Variants in LIPI observed in about 807,000 individuals in gnomAD.
The protein encoded by LIPI is lipase I.
Under a neutral mutation model 50.6 loss-of-function variants are expected in LIPI, and 59 were observed. That is an observed-to-expected ratio of 1.16 (90% CI 0.94 to 1.45). The LOEUF (loss-of-function observed/expected upper bound fraction) is 1.45, where lower values mean the gene tolerates loss of function less well. LIPI is among the 40% of genes most tolerant of loss of function. The pLI, the probability that LIPI is intolerant of heterozygous loss-of-function variation, is 0.00. For synonymous variants in LIPI, 203 were observed against 178.2 expected (o/e 1.14, Z -1.11); for missense variants, 586 against 536.3 (o/e 1.09, Z -0.92).
chr21:14,125,870 A>G (rs911323930), intron 9 of LIPI, among the ~76,000 whole-genome samples: 1 of 152,158 alleles, frequency 6.6e-6, no homozygotes, highest in Non-Finnish European at 1.5e-5. Flanking sequence ...GATAGTTTTA[A>G]ACCCAACTAT....
chr21:14,185,926 A>G, intron 3 of LIPI, 35 bp downstream of exon 3: 5 of 1,201,854 alleles, frequency 4.2e-6, no homozygotes, highest in Non-Finnish European at 6.1e-6. Context: ...ACTTAAAAGT[A>G]TGCTAAAGCA....
chr21:14,134,923 C>G (rs1416674253), intron 9 of LIPI, among the ~76,000 whole-genome samples: 1 of 151,762 alleles, frequency 6.6e-6, no homozygotes, highest in Non-Finnish European at 1.5e-5. Flanking sequence ...TGCAAAGAAA[C>G]AAAAATAGAC....
chr21:14,139,163 C>T (rs1402365110), intron 9 of LIPI, among the ~76,000 whole-genome samples: 1 of 151,900 alleles, frequency 6.6e-6, no homozygotes, highest in Non-Finnish European at 1.5e-5. Context: ...ATTTTATTCA[C>T]TTATTTCCAA....
chr21:14,122,284 AC>A, intron 9 of LIPI, among the ~76,000 whole-genome samples: 1 of 152,180 alleles, frequency 6.6e-6, no homozygotes, highest in Non-Finnish European at 1.5e-5. Flanking sequence ...TTATAATCAA[AC>A]CAGCTACTCT....
chr21:14,138,275 T>TTA (rs750251839), intron 9 of LIPI, among the ~76,000 whole-genome samples: 3 of 152,016 alleles, frequency 2.0e-5, no homozygotes, highest in East Asian at 3.9e-4. Context: ...GATAGATAGA[T>TTA]AAAAAAATAA....
chr21:14,175,048 T>C (rs563296595), intron 4 of LIPI, among the ~76,000 whole-genome samples: 4 of 152,364 alleles, frequency 2.6e-5, no homozygotes, highest in African/African-American at 4.8e-5. Context: ...TAGTATTTCA[T>C]TGTATGAACA....
At position 14,115,685 on chromosome 21, in the gene LIPI, C is replaced by T. The variant is rs532456083; in HGVS notation, c.1296-6605G>A. Among the ~76,000 whole-genome samples, 3 of 152,214 alleles carry T rather than the reference C, an allele frequency of 2.0e-5. No homozygotes were observed. The South Asian group carries it at 6.2e-4, about 32-fold the overall frequency. On this transcript the variant is annotated intron_variant, in intron 9 of 9. Transcript: ENST00000681601. ...GGTTTTCCCGTGTCTTGGAGCCTTC[C>T]CTTGACAGTGCAAACGGAACCGACT...
intron 8 of LIPI, among the ~76,000 whole-genome samples, chr21:14,150,474 T>C (rs1395447069): frequency 6.6e-6 from 1 of 152,200 alleles, no homozygotes; most frequent in Admixed American, 6.5e-5. Context: ...TATGCATGAG[T>C]CTCCAGTATT....
intron 7 of LIPI, among the ~76,000 whole-genome samples, chr21:14,161,578 T>C (rs13051480): frequency 8.6e-6 from 1 of 116,734 alleles, no homozygotes; most frequent in South Asian, 2.3e-4. Flanking sequence ...ATTATATATA[T>C]AATATATATC....
intron 9 of LIPI, among the ~76,000 whole-genome samples, chr21:14,123,733 T>G (rs1479100183): frequency 6.6e-6 from 1 of 152,044 alleles, no homozygotes; most frequent in Non-Finnish European, 1.5e-5. Context: ...TATTTACATG[T>G]GAAACCAAAT....
intron 9 of LIPI, among the ~76,000 whole-genome samples, chr21:14,123,139 C>G (rs2016925774): frequency 6.6e-6 from 1 of 152,132 alleles, no homozygotes; most frequent in African/African-American, 2.4e-5. Flanking sequence ...AATGTATATC[C>G]AAGTGTCTGT....
At chr21:14,176,347 T>A (rs1479394082) in intron 4 of LIPI, among the ~76,000 whole-genome samples, 5 of 152,036 alleles carry the variant, frequency 3.3e-5, no homozygotes, top group African/African-American at 1.2e-4. Flanking sequence ...TCCATTTCTG[T>A]GTGTTTCTAT....
intron 8 of LIPI, among the ~76,000 whole-genome samples, chr21:14,146,473 C>T (rs1216022836): frequency 6.6e-6 from 1 of 151,956 alleles, no homozygotes; most frequent in Admixed American, 6.6e-5. Flanking sequence ...GATTTGAATC[C>T]CTCATTTTTC....
intron 3 of LIPI, 72 bp downstream of exon 3, chr21:14,185,889 A>AT (rs1421068834): frequency 2.1e-6 from 2 of 952,590 alleles, no homozygotes; most frequent in African/African-American, 3.3e-5. Flanking sequence ...TCTCAAAAAA[A>AT]AAAAAATTAG....
intron 9 of LIPI, among the ~76,000 whole-genome samples, chr21:14,115,212 G>T (rs866069824): frequency 2.6e-5 from 4 of 152,050 alleles, no homozygotes; most frequent in African/African-American, 7.2e-5. Flanking sequence ...ATTCCTTGAG[G>T]CTCAGCGAGT....
rs930601044 is a variant in LIPI at position 14,165,276 on chromosome 21, G to A, written c.848C>T (p.Thr283Ile). The change falls in exon 6 of 10, where the codon ACT (threonine) becomes ATT (isoleucine). Residue 283 changes from threonine to isoleucine, a missense_variant. Coordinates refer to ENST00000681601, the MANE Select transcript of LIPI (RefSeq NM_001302998.2). ...ACAGTCACAGTCCACACATAAGCTA[G>A]TCTTGTAATCTTTGTATGAACGACA... ...FPCRSYKDYK[T>I]SLCVDCDCFK... The A allele has an allele frequency of 5.0e-6, 8 of 1,612,832 alleles. No individual in the cohort carries two copies. Among genetic ancestry groups the A allele is most frequent in the Non-Finnish European group, 6.8e-6 (8 of 1,179,120 alleles).
intron 6 of LIPI, among the ~76,000 whole-genome samples, chr21:14,164,240 T>A (rs755738973): frequency 6.6e-6 from 1 of 152,128 alleles, no homozygotes; most frequent in Non-Finnish European, 1.5e-5. Context: ...GAGGTTTTAC[T>A]CAAGTTCTAA....
chr21:14,135,027 T>C (rs138539484), intron 9 of LIPI, among the ~76,000 whole-genome samples: 4 of 152,104 alleles, frequency 2.6e-5, no homozygotes, highest in Non-Finnish European at 4.4e-5. Context: ...AAAAATTATA[T>C]GCAAACTATG....
intron 4 of LIPI, among the ~76,000 whole-genome samples, chr21:14,176,661 T>G (rs946282604): frequency 9.0e-5 from 13 of 145,128 alleles, no homozygotes; most frequent in Non-Finnish European, 1.5e-4. Flanking sequence ...TTCTACACTT[T>G]GAAATGTTTG....
Sources: allele counts gnomAD v4.1 joint callset (sites outside exome capture counted in the v4.1 genomes callset), GRCh38; gene constraint gnomAD v4.1.1; transcripts MANE v1.5; gene names NCBI Gene and HGNC (gene_info 2026-07-23, HGNC 2026-07-21).